CDK12: variants seen among roughly 807,000 people sequenced by gnomAD.
CDK12 encodes the protein cyclin-dependent kinase 12.
In CDK12, 17 loss-of-function variants were observed where a neutral mutation model predicts 133.8. The ratio of observed to expected loss-of-function variants is 0.13; its 90% CI spans 0.09 to 0.19. The LOEUF is 0.19. Ranked by LOEUF, CDK12 falls within the 10% of genes least tolerant of loss-of-function variation. The pLI is 1.00. For missense variants in CDK12, 1,508 were observed against 1,818.7 expected (o/e 0.83, Z 3.11); for synonymous variants, 694 against 683.6 (o/e 1.02, Z -0.24).
Position 39,501,237 on chromosome 17 carries a change from C to G in CDK12, c.2420-13C>G. 1 of 1,443,626 alleles carries G rather than the reference C, an allele frequency of 6.9e-7. No individual in the cohort carries two copies. Among genetic ancestry groups the G allele is most frequent in the Non-Finnish European group, 9.2e-7 (1 of 1,089,026 alleles). The allele number at this position is 1,443,626 out of a possible 1,614,324, so 89.4% of individuals were successfully genotyped here. A position where few individuals can be genotyped will look rare whatever the true frequency, so the allele number is the denominator to read the frequency against. ...TTTTTTCTTGCTTTTAATTTTTTTT[C>G]GTCTTTATGTAGGTGCCTTTTACCT... On this transcript the variant is annotated splice_polypyrimidine_tract_variant and intron_variant, in intron 5 of 13. Transcript: ENST00000447079.
At chr17:39,482,176 C>G (rs2050768333) in intron 2 of CDK12, among the ~76,000 whole-genome samples, 1 of 151,438 alleles carries the variant, frequency 6.6e-6, no homozygotes, top group Non-Finnish European at 1.5e-5. Flanking sequence ...CCACACCCTG[C>G]TAATTTTGTG....
At chr17:39,482,568 G>A (rs1305556810) in intron 2 of CDK12, among the ~76,000 whole-genome samples, 4 of 129,318 alleles carry the variant, frequency 3.1e-5, no homozygotes, top group African/African-American at 1.1e-4. Flanking sequence ...CGGTTTTAGT[G>A]TATGTGCTGC....
rs114321668 is a variant in CDK12 at position 39,561,373 on chromosome 17, T to C, written n.485-3387T>C. ...AAACCCATACATCCACATACACCCCTTGGGCAGGCTCAGTGTCTAGGACGT... is the reference window on the plus strand; with the variant it reads ...AAACCCATACATCCACATACACCCCCTGGGCAGGCTCAGTGTCTAGGACGT... On this transcript the variant is annotated intron_variant and non_coding_transcript_variant, in intron 3 of 3. Transcript: ENST00000558240. Among the ~76,000 whole-genome samples, 596 of 152,276 alleles carry C rather than the reference T, an allele frequency of 3.9e-3. 7 individuals are homozygous for C. Among genetic ancestry groups the C allele is most frequent in the African/African-American group, 0.014 (562 of 41,544 alleles).
At chr17:39,508,558 G>C (rs1000267589) in intron 6 of CDK12, among the ~76,000 whole-genome samples, 6 of 152,070 alleles carry the variant, frequency 3.9e-5, no homozygotes, top group Admixed American at 3.9e-4. Flanking sequence ...AGGAAAAATA[G>C]CTAATGCTTG....
chr17:39,518,604 G>C (rs2053963293), intron 10 of CDK12, among the ~76,000 whole-genome samples: 1 of 151,888 alleles, frequency 6.6e-6, no homozygotes, highest in South Asian at 2.1e-4. Context: ...TGTCACCCAG[G>C]TTGGAGTGCA....
downstream of CDK12, among the ~76,000 whole-genome samples, chr17:39,538,695 G>A (rs921870240): frequency 6.6e-6 from 1 of 152,266 alleles, no homozygotes; most frequent in Middle Eastern, 3.4e-3. Flanking sequence ...TCAGGAGATC[G>A]AGACCATTCT....
chr17:39,566,107 T>G (rs1189433321), downstream of CDK12, among the ~76,000 whole-genome samples: 1 of 152,196 alleles, frequency 6.6e-6, no homozygotes. Context: ...ATAATAAAGT[T>G]TACCTTACTG....
chr17:39,483,840 A>AT (rs1190825139), intron 2 of CDK12, among the ~76,000 whole-genome samples: 2 of 150,808 alleles, frequency 1.3e-5, no homozygotes, highest in Non-Finnish European at 3.0e-5. Flanking sequence ...TAAATTTTAT[A>AT]TTTTTTCTTT....
At chr17:39,489,005 C>G (rs1031471357) in intron 2 of CDK12, among the ~76,000 whole-genome samples, 6 of 152,036 alleles carry the variant, frequency 3.9e-5, no homozygotes, top group Admixed American at 6.6e-5. Flanking sequence ...ACTGCAACCT[C>G]CTCCTCCTAG....
chr17:39,486,529 G>GT (rs1464400376), intron 2 of CDK12, among the ~76,000 whole-genome samples: 1 of 151,976 alleles, frequency 6.6e-6, no homozygotes, highest in Admixed American at 6.6e-5. Context: ...GGCTCCCAAA[G>GT]TAGTGGGATT....
chr17:39,531,522 T>G lies in CDK12; in HGVS notation c.*206T>G. 1 of 429,326 alleles carries G rather than the reference T, an allele frequency of 2.3e-6. No individual in the cohort carries two copies. Among genetic ancestry groups the G allele is most frequent in the Non-Finnish European group, 4.1e-6 (1 of 246,052 alleles). The allele number at this position is 429,326 out of a possible 1,614,324, so 26.6% of individuals were successfully genotyped here. ...TGGCACCAGTTCCCCCTGGATGGGC[T>G]ATAGCCAGAACATTTACTTCAACTC... On this transcript the variant is annotated 3_prime_UTR_variant, in exon 14 of 14. Coordinates refer to ENST00000447079, the MANE Select transcript of CDK12 (RefSeq NM_016507.4).
chr17:39,472,760 G>T (rs1168228553), intron 2 of CDK12, among the ~76,000 whole-genome samples: 1 of 151,706 alleles, frequency 6.6e-6, no homozygotes, highest in African/African-American at 2.4e-5. Context: ...CATTGACTTA[G>T]TAACATCAAT....
downstream of CDK12, among the ~76,000 whole-genome samples, chr17:39,538,782 C>A (rs1383697416): frequency 6.6e-6 from 1 of 152,172 alleles, no homozygotes; most frequent in Non-Finnish European, 1.5e-5. Context: ...CCTGTAGTCC[C>A]AGCTTCCCGG....
exon 1 of CDK12, chr17:39,550,403 A>G (rs1284201813): frequency 6.6e-6 from 1 of 152,118 alleles, no homozygotes; most frequent in Non-Finnish European, 1.5e-5. Flanking sequence ...ATACTGGTTG[A>G]CTCAGGTCTG....
At chr17:39,474,774 ATG>A (rs2050058007) in intron 2 of CDK12, among the ~76,000 whole-genome samples, 1 of 128,458 alleles carries the variant, frequency 7.8e-6, no homozygotes, top group Admixed American at 7.7e-5. Context: ...AAGAAATATG[ATG>A]TTTCCTTTTT....
chr17:39,481,761 C>G (rs72827103), intron 2 of CDK12, among the ~76,000 whole-genome samples: 5,855 of 146,064 alleles, frequency 0.04, 220 homozygotes, highest in Non-Finnish European at 0.061. Context: ...CATCCTGTTG[C>G]CCAGGCTGGA....
intron 3 of CDK12, 61 bp from the exon 4 acceptor site, chr17:39,492,690 T>C: frequency 7.1e-7 from 1 of 1,401,420 alleles, no homozygotes; most frequent in Non-Finnish European, 9.8e-7. Flanking sequence ...ATTACAGGCA[T>C]GAGCCACCGC....
chr17:39,487,246 C>T (rs912534623), intron 2 of CDK12, among the ~76,000 whole-genome samples: 6 of 152,054 alleles, frequency 3.9e-5, no homozygotes, highest in South Asian at 4.1e-4. Flanking sequence ...GGGATTAAAA[C>T]GATAAAAATT....
chr17:39,472,180 CA>C (rs1178833381), intron 2 of CDK12, among the ~76,000 whole-genome samples: 1 of 151,772 alleles, frequency 6.6e-6, no homozygotes, highest in East Asian at 1.9e-4. Context: ...GATGGGGTTT[CA>C]ACATGTTGGC....
Sources: gnomAD v4.1 joint callset for allele counts (sites outside exome capture counted in the v4.1 genomes callset) on GRCh38, gnomAD v4.1.1 for gene constraint, MANE v1.5 for transcripts, NCBI Gene and HGNC (gene_info 2026-07-23, HGNC 2026-07-21) for gene names.